PARP8: variants seen among roughly 807,000 people sequenced by gnomAD.
PARP8 encodes the protein poly(ADP-ribose) polymerase family member 8, also known as protein mono-ADP-ribosyltransferase PARP8.
A neutral mutation model predicts 124.1 loss-of-function variants in PARP8; 51 were observed. The observed-to-expected ratio is 0.41, with a 90% CI of 0.33 to 0.52. The LOEUF (loss-of-function observed/expected upper bound fraction) is 0.52, where lower values mean the gene tolerates loss of function less well. Among genes scored for constraint, PARP8 ranks in the 20% least tolerant of loss-of-function variants. The pLI is 0.21. For missense variants in PARP8, 860 were observed against 1,018.9 expected (o/e 0.84, Z 2.12); for synonymous variants, 391 against 361.5 (o/e 1.08, Z -0.93).
At chr5:50,669,381 C>T (rs1749740964) in intron 2 of PARP8, 1 of 152,154 alleles carries the variant, frequency 6.6e-6, no homozygotes, top group South Asian at 2.1e-4. Context: ...TGACTAATAT[C>T]CTCTTGGATT....
At chr5:50,822,226 C>T in intron 16 of PARP8, 109 bp from the exon 17 acceptor site, 1 of 785,724 alleles carries the variant, frequency 1.3e-6, no homozygotes, top group Non-Finnish European at 2.2e-6. Flanking sequence ...TCAAATTGAC[C>T]CCAGTGGAAA....
intron 7 of PARP8, among the ~76,000 whole-genome samples, chr5:50,764,716 A>G (rs1234500798): frequency 1.3e-5 from 2 of 152,168 alleles, no homozygotes; most frequent in African/African-American, 4.8e-5. Flanking sequence ...GCTCCAGATT[A>G]GGTAATATGC....
intron 10 of PARP8, among the ~76,000 whole-genome samples, chr5:50,792,582 C>A (rs1487412220): frequency 2.6e-5 from 4 of 151,618 alleles, no homozygotes; most frequent in Non-Finnish European, 5.9e-5. Context: ...GGAAGAAAAT[C>A]TGCTTAATAC....
chr5:50,813,914 C>A (rs974525698), intron 14 of PARP8, among the ~76,000 whole-genome samples: 5 of 152,064 alleles, frequency 3.3e-5, no homozygotes, highest in Non-Finnish European at 5.9e-5. Flanking sequence ...AAAAACTAGT[C>A]ATAACTCATG....
At chr5:50,816,155 G>A (rs1446851583) in intron 15 of PARP8, among the ~76,000 whole-genome samples, 1 of 152,052 alleles carries the variant, frequency 6.6e-6, no homozygotes, top group African/African-American at 2.4e-5. Flanking sequence ...ATATAGTATT[G>A]GCAAAGAATA....
chr5:50,788,053 G>A (rs1741471691), intron 9 of PARP8, among the ~76,000 whole-genome samples: 1 of 149,584 alleles, frequency 6.7e-6, no homozygotes, highest in African/African-American at 2.4e-5. Context: ...AATGATGTAT[G>A]TAGATGCAAA....
At chr5:50,710,337 AGAATCCATCTCCCACT>A (rs949566929) in intron 2 of PARP8, among the ~76,000 whole-genome samples, 1 of 152,014 alleles carries the variant, frequency 6.6e-6, no homozygotes, top group Non-Finnish European at 1.5e-5. Context: ...ATCTTTTCTT[AGAATCCATCTCCCACT>A]GACTTTTATC....
chr5:50,837,262 CAGG>C (rs983401792), intron 25 of PARP8, among the ~76,000 whole-genome samples: 3 of 152,046 alleles, frequency 2.0e-5, no homozygotes, highest in African/African-American at 7.2e-5. Flanking sequence ...TTTGCACCCT[CAGG>C]AGAGAAGAGA....
chr5:50,823,250 C>T (rs1561433585), intron 17 of PARP8, among the ~76,000 whole-genome samples: 1 of 152,222 alleles, frequency 6.6e-6, no homozygotes, highest in South Asian at 2.1e-4. Flanking sequence ...CCCCGCCCCC[C>T]ACCAACCCCC....
At chr5:50,688,642 A>G (rs549334496) in intron 2 of PARP8, among the ~76,000 whole-genome samples, 2 of 152,270 alleles carry the variant, frequency 1.3e-5, no homozygotes, top group South Asian at 4.1e-4. Context: ...AGAAATTCAA[A>G]GTCAGATAAT....
chr5:50,791,382 A>G (rs26065), intron 10 of PARP8, among the ~76,000 whole-genome samples: 23,567 of 152,094 alleles, frequency 0.15, 2,217 homozygotes, highest in African/African-American at 0.27. Context: ...GCTTGTTCAC[A>G]GTCACACAGC....
intron 2 of PARP8, among the ~76,000 whole-genome samples, chr5:50,745,559 T>C (rs1758453028): frequency 6.6e-6 from 1 of 152,214 alleles, no homozygotes; most frequent in Non-Finnish European, 1.5e-5. Context: ...GCCTCAAAGC[T>C]GCATTGGACT....
intron 2 of PARP8, among the ~76,000 whole-genome samples, chr5:50,714,074 T>C (rs1263717198): frequency 2.7e-5 from 4 of 149,134 alleles, no homozygotes; most frequent in Non-Finnish European, 6.0e-5. Flanking sequence ...TTCTTTTCTT[T>C]TCTTTCTTTC....
chr5:50,808,780 A>G (rs1580413563), intron 14 of PARP8, among the ~76,000 whole-genome samples: 1 of 152,008 alleles, frequency 6.6e-6, no homozygotes, highest in Non-Finnish European at 1.5e-5. Flanking sequence ...AGACATTCCC[A>G]TGAAAATTGA....
chr5:50,711,080 G>A lies in PARP8; in HGVS notation c.147-39071G>A, dbSNP rs888473318. On this transcript the variant is annotated intron_variant, in intron 2 of 25. Coordinates refer to ENST00000281631, the MANE Select transcript of PARP8 (RefSeq NM_024615.4). ...GGTGAATTGTTTGTTGCTACTGGTC[G>A]TCTGTAAAATAGCATCTTGATTCCT... Among the ~76,000 whole-genome samples, 14 of 152,162 alleles carry A rather than the reference G, an allele frequency of 9.2e-5. No individual in the cohort carries two copies. The Middle Eastern group carries it at 0.014, about 148-fold the overall frequency.
At chr5:50,831,861 AC>A (rs1185357228) in intron 22 of PARP8, among the ~76,000 whole-genome samples, 2 of 152,174 alleles carry the variant, frequency 1.3e-5, no homozygotes, top group Non-Finnish European at 2.9e-5. Context: ...TTGATCTAAA[AC>A]AAATGTAAGA....
intron 14 of PARP8, among the ~76,000 whole-genome samples, chr5:50,814,929 A>C (rs2149688893): frequency 6.6e-6 from 1 of 152,256 alleles, no homozygotes; most frequent in East Asian, 1.9e-4. Context: ...TTGCAACAAA[A>C]CGAGTCTTTC....
chr5:50,746,504 T>TTG (rs1758558209), intron 2 of PARP8, among the ~76,000 whole-genome samples: 1 of 152,144 alleles, frequency 6.6e-6, no homozygotes, highest in African/African-American at 2.4e-5. Flanking sequence ...ACATGACACT[T>TTG]TTGTACAGTC....
chr5:50,698,995 C>T (rs1040431127), intron 2 of PARP8, among the ~76,000 whole-genome samples: 3 of 152,116 alleles, frequency 2.0e-5, no homozygotes, highest in Admixed American at 6.5e-5. Context: ...TTGCCTCCTC[C>T]GAACTATAGT....
Sources: gnomAD v4.1 joint callset for allele counts (sites outside exome capture counted in the v4.1 genomes callset) on GRCh38, gnomAD v4.1.1 for gene constraint, MANE v1.5 for transcripts, NCBI Gene and HGNC (gene_info 2026-07-23, HGNC 2026-07-21) for gene names.